Variants in ZNF608 observed in about 807,000 individuals in gnomAD.
ZNF608 encodes renal carcinoma antigen NY-REN-36.
In ZNF608, 12 loss-of-function variants were observed where a neutral mutation model predicts 109.0. The ratio of observed to expected loss-of-function variants is 0.11; its 90% CI spans 0.07 to 0.18. The LOEUF (loss-of-function observed/expected upper bound fraction) is 0.18. Among genes scored for constraint, ZNF608 ranks in the 10% least tolerant of loss-of-function variants. ZNF608 has a pLI of 1.00. For synonymous variants in ZNF608, 732 were observed against 717.4 expected, an observed-to-expected ratio of 1.02 and a Z score of -0.33; for missense variants, 1,707 against 1,879.3, an observed-to-expected ratio of 0.91 and a Z score of 1.70.
At chr5:124,643,996 A>C (rs572473694) in intron 6 of ZNF608, among the ~76,000 whole-genome samples, 115 of 152,344 alleles carry the variant, frequency 7.5e-4, no homozygotes, top group African/African-American at 2.6e-3. Flanking sequence ...TTTTATAGGC[A>C]ATAAAGTATC....
chr5:124,644,458 A>C lies in ZNF608; in HGVS notation c.3909T>G (p.Ser1303=). 1 of 1,614,086 alleles carries C rather than the reference A, an allele frequency of 6.2e-7. No homozygotes were observed. The highest frequency in any genetic ancestry group is 1.1e-5 in the South Asian group (1 of 91,080). ...TCAGCTTGCTCTCCTCCATTGATTG[A>C]GAATCAGGATGCTTGGCCTCTTTGG... ...EEPKEAKHPD[S]QSMEESKLKN... The change falls in exon 6 of 10, where the codon TCT becomes TCG. Residue 1303 remains serine, a synonymous_variant. Transcript: ENST00000513986.
At chr5:124,672,881 C>T (rs754900905) in intron 3 of ZNF608, among the ~76,000 whole-genome samples, 4 of 152,032 alleles carry the variant, frequency 2.6e-5, no homozygotes, top group African/African-American at 4.8e-5. Flanking sequence ...ATTATTTCAT[C>T]GGAAAAAAGT....
At chr5:124,720,789 C>G (rs1235837962) in intron 2 of ZNF608, among the ~76,000 whole-genome samples, 1 of 152,074 alleles carries the variant, frequency 6.6e-6, no homozygotes, top group Admixed American at 6.5e-5. Context: ...TAATTACACT[C>G]CCAACTCCTG....
At chr5:124,698,262 G>C (rs1228147423) in intron 3 of ZNF608, among the ~76,000 whole-genome samples, 2 of 152,158 alleles carry the variant, frequency 1.3e-5, no homozygotes, top group African/African-American at 4.8e-5. Flanking sequence ...ATTGGTACAA[G>C]AGCTTTAAAC....
intron 2 of ZNF608, among the ~76,000 whole-genome samples, chr5:124,722,187 G>A (rs1216130878): frequency 2.0e-5 from 3 of 152,040 alleles, no homozygotes; most frequent in African/African-American, 4.8e-5. Context: ...CTGAAGCCCA[G>A]CTGACTAGAA....
chr5:124,692,689 T>A (rs1752670942), intron 3 of ZNF608, among the ~76,000 whole-genome samples: 1 of 152,220 alleles, frequency 6.6e-6, no homozygotes, highest in Non-Finnish European at 1.5e-5. Context: ...GAGCAAGGGC[T>A]CTGAAAGTCC....
chr5:124,662,678 G>A (rs946826691), intron 3 of ZNF608, among the ~76,000 whole-genome samples: 1 of 152,224 alleles, frequency 6.6e-6, no homozygotes, highest in South Asian at 2.1e-4. Context: ...TTTCCAGAAA[G>A]TAATGCACTG....
intron 2 of ZNF608, among the ~76,000 whole-genome samples, chr5:124,709,000 A>G (rs1380354778): frequency 6.6e-6 from 1 of 151,872 alleles, no homozygotes; most frequent in Admixed American, 6.6e-5. Flanking sequence ...GGAAAAACCC[A>G]GTCTCTACTA....
chr5:124,747,615 C>T (rs1749684756), upstream of ZNF608, among the ~76,000 whole-genome samples: 1 of 149,386 alleles, frequency 6.7e-6, no homozygotes, highest in Non-Finnish European at 1.5e-5. Flanking sequence ...TCCCCCTGCA[C>T]ACACTCCCCC....
At chr5:124,678,557 A>G (rs573519396) in intron 3 of ZNF608, among the ~76,000 whole-genome samples, 1 of 152,362 alleles carries the variant, frequency 6.6e-6, no homozygotes, top group African/African-American at 2.4e-5. Context: ...ATGGGCTGCC[A>G]TTCCGTTCCC....
intron 2 of ZNF608, among the ~76,000 whole-genome samples, chr5:124,708,943 G>A (rs1234813968): frequency 5.3e-5 from 8 of 152,058 alleles, no homozygotes; most frequent in South Asian, 2.1e-4. Context: ...AGGCCAAGGC[G>A]GGTAGATCAC....
chr5:124,746,561 C>A lies in ZNF608; in HGVS notation c.-550G>T. On this transcript the variant is annotated 5_prime_UTR_variant, in exon 1 of 10. An upstream open reading frame in the 5' UTR gains an earlier in-frame stop. Coordinates refer to ENST00000513986, the MANE Select transcript of ZNF608 (RefSeq NM_020747.3). ...AAAAAGTTTTCCCAACTTCTCATTC[C>A]GCCTTCAGTTCCAGACTTCAGAGTC... is the stretch of plus-strand genomic sequence containing the variant. The A allele has an allele frequency of 1.0e-6, 1 of 985,316 alleles. No homozygotes were observed. The highest frequency in any genetic ancestry group is 1.2e-6 in the Non-Finnish European group (1 of 829,926). 61.0% of individuals were successfully genotyped at this position (985,316 alleles called of 1,614,324 possible). A position where few individuals can be genotyped will look rare whatever the true frequency, so the allele number is the denominator to read the frequency against.
In ZNF608 at chr5:124,745,069, G is replaced by A. The variant is rs989814180; in HGVS notation, c.-80C>T. The A allele has an allele frequency of 6.6e-7, 1 of 1,506,036 alleles. No homozygotes were observed. Among genetic ancestry groups the A allele is most frequent in the Non-Finnish European group, 8.8e-7 (1 of 1,137,454 alleles). The allele number at this position is 1,506,036 out of a possible 1,614,324, so 93.3% of individuals were successfully genotyped here. A position where few individuals can be genotyped will look rare whatever the true frequency, so the allele number is the denominator to read the frequency against. The stretch of plus-strand genomic sequence containing the variant: ...GGGGACATTCGTTTATCTCCGCTGG[G>A]CTTTCTCTCAAAGAAAAAAAAAATC... On this transcript the variant is annotated 5_prime_UTR_variant, in exon 2 of 10. Transcript: ENST00000513986.
intron 2 of ZNF608, among the ~76,000 whole-genome samples, chr5:124,715,814 C>G (rs1023994062): frequency 3.3e-5 from 5 of 152,144 alleles, no homozygotes; most frequent in Admixed American, 3.3e-4. Flanking sequence ...TACTCCATAA[C>G]TTTTAATGCA....
At chr5:124,663,911 A>G (rs1751376406) in intron 3 of ZNF608, among the ~76,000 whole-genome samples, 1 of 152,194 alleles carries the variant, frequency 6.6e-6, no homozygotes, top group South Asian at 2.1e-4. Context: ...TAATTTTAAT[A>G]TTAGAGAGAA....
At position 124,699,034 on chromosome 5, in the gene ZNF608, C is replaced by T. The variant is rs559146369; in HGVS notation, c.1162+1980G>A. ...TAAGAAATGGGAAGACAGCATTTCA[C>T]GCTAATGAGTAAATTATCCAAGTAC... On this transcript the variant is annotated intron_variant, in intron 3 of 9. Coordinates refer to ENST00000513986, the MANE Select transcript of ZNF608 (RefSeq NM_020747.3). 9.2e-5 allele frequency among the ~76,000 whole-genome samples: 14 copies of T among 152,286 alleles called. No homozygotes were observed. In the South Asian group the frequency reaches 1.2e-3, roughly 14 times the overall value.
At chr5:124,741,470 G>A (rs890130237) in intron 2 of ZNF608, among the ~76,000 whole-genome samples, 15 of 146,128 alleles carry the variant, frequency 1.0e-4, no homozygotes, top group Admixed American at 6.9e-5. Flanking sequence ...GGCCCCTCAC[G>A]AGCCACATCT....
intron 2 of ZNF608, among the ~76,000 whole-genome samples, chr5:124,730,198 G>A (rs1382873327): frequency 6.6e-6 from 1 of 152,180 alleles, no homozygotes; most frequent in Non-Finnish European, 1.5e-5. Flanking sequence ...AGAGATCTGT[G>A]TTTATGTGTT....
At chr5:124,677,364 G>A (rs969206433) in intron 3 of ZNF608, among the ~76,000 whole-genome samples, 1 of 152,200 alleles carries the variant, frequency 6.6e-6, no homozygotes, top group Non-Finnish European at 1.5e-5. Context: ...ATGGGAAACT[G>A]GAGCGAGAAC....
Sources: gnomAD v4.1 joint callset for allele counts (sites outside exome capture counted in the v4.1 genomes callset) on GRCh38, gnomAD v4.1.1 for gene constraint, MANE v1.5 for transcripts, NCBI Gene and HGNC (gene_info 2026-07-23, HGNC 2026-07-21) for gene names.